The following CLPB variants were observed in gnomAD, a reference collection of about 807,000 sequenced individuals.
The protein encoded by CLPB is mitochondrial disaggregase.
CLPB carries 40 observed loss-of-function variants against 78.4 expected under a neutral mutation model. The ratio of observed to expected loss-of-function variants is 0.51; its 90% CI spans 0.40 to 0.66. CLPB has a LOEUF of 0.66. Ranked by LOEUF, CLPB falls within the 30% of genes least tolerant of loss-of-function variation. The probability of loss-of-function intolerance (pLI) is 0.00; values close to 1 mark genes in which losing one functional copy is unlikely to be tolerated. For missense variants in CLPB, 780 were observed against 886.9 expected, an observed-to-expected ratio of 0.88 and a Z score of 1.53; for synonymous variants, 333 against 348.0, an observed-to-expected ratio of 0.96 and a Z score of 0.48.
At position 72,293,283 on chromosome 11, in the gene CLPB, G is replaced by T; in HGVS notation, c.*84C>A. The T allele has an allele frequency of 1.3e-6, 2 of 1,519,198 alleles. No homozygotes were observed. The highest frequency in any genetic ancestry group is 1.2e-5 in the South Asian group (1 of 80,428). 94.1% of individuals were successfully genotyped at this position (1,519,198 alleles called of 1,614,324 possible). A position where few individuals can be genotyped will look rare whatever the true frequency, so the allele number is the denominator to read the frequency against. ...GACTGGGTAGAGATGGGAGCGGCAT[G>T]AGGGGAAGGTAAGTCAGTTGCCATG... On this transcript the variant is annotated 3_prime_UTR_variant, in exon 16 of 16. Coordinates refer to ENST00000538039, the MANE Select transcript of CLPB (RefSeq NM_001258392.3).
At chr11:72,343,314 C>T (rs1443149133) in intron 5 of CLPB, among the ~76,000 whole-genome samples, 1 of 152,090 alleles carries the variant, frequency 6.6e-6, no homozygotes, top group Non-Finnish European at 1.5e-5. Context: ...TTGCTAATTG[C>T]ACTTCCCTAT....
chr11:72,348,932 A>G (rs1478584683), intron 5 of CLPB, among the ~76,000 whole-genome samples: 1 of 152,250 alleles, frequency 6.6e-6, no homozygotes, highest in Non-Finnish European at 1.5e-5. Context: ...TAAGTGAAGG[A>G]GAGATATATT....
At chr11:72,419,086 G>A (rs1469420757) in intron 2 of CLPB, among the ~76,000 whole-genome samples, 1 of 152,138 alleles carries the variant, frequency 6.6e-6, no homozygotes. Flanking sequence ...TACAAGGCAA[G>A]CAGCTTAAGT....
At chr11:72,302,282 A>G (rs373079023) in intron 10 of CLPB, 22 bp downstream of exon 10, 11 of 1,613,152 alleles carry the variant, frequency 6.8e-6, no homozygotes, top group East Asian at 4.5e-5. Flanking sequence ...CCATGCTTCA[A>G]TCAAGGACTG....
chr11:72,334,612 C>T (rs918614667), intron 5 of CLPB, among the ~76,000 whole-genome samples: 1 of 152,278 alleles, frequency 6.6e-6, no homozygotes, highest in African/African-American at 2.4e-5. Context: ...CCTCACCCGC[C>T]TGCCCTCTCC....
In CLPB at chr11:72,286,221, C is replaced by CTCTTTTTTTTTTTT. The variant is rs1565413587; in HGVS notation, c.*7145_*7146insAAAAAAAAAAAAGA. On this transcript the variant is annotated 3_prime_UTR_variant, in exon 16 of 16. Transcript: ENST00000538039. ...AGATTACAGGTGTGAGATACTGCAC[C>CTCTTTTTTTTTTTT]TGTTTTTTTTTTTTTTTTTTTTTTT... 1 of 59,120 alleles carries CTCTTTTTTTTTTTT rather than the reference C, an allele frequency of 1.7e-5. No homozygotes were observed. The highest frequency in any genetic ancestry group is 3.5e-5 in the Non-Finnish European group (1 of 28,454). 3.7% of individuals were successfully genotyped at this position (59,120 alleles called of 1,614,324 possible). A position where few individuals can be genotyped will look rare whatever the true frequency, so the allele number is the denominator to read the frequency against.
chr11:72,355,752 A>G (rs1950700787), intron 5 of CLPB, among the ~76,000 whole-genome samples: 1 of 152,092 alleles, frequency 6.6e-6, no homozygotes, highest in Non-Finnish European at 1.5e-5. Context: ...TTCTGTCTGA[A>G]TCTCCTCCCA....
intron 11 of CLPB, among the ~76,000 whole-genome samples, chr11:72,301,426 G>GT (rs1949653039): frequency 6.6e-6 from 1 of 152,192 alleles, no homozygotes; most frequent in African/African-American, 2.4e-5. Context: ...CAGCCTCCTC[G>GT]TTTGTCACAT....
intron 5 of CLPB, among the ~76,000 whole-genome samples, chr11:72,345,613 T>C (rs913515965): frequency 2.0e-4 from 31 of 152,332 alleles, no homozygotes; most frequent in African/African-American, 6.7e-4. Flanking sequence ...CTTCTCTGAG[T>C]ATACCTTTTG....
intron 3 of CLPB, among the ~76,000 whole-genome samples, chr11:72,399,402 C>T (rs1190365619): frequency 1.3e-5 from 2 of 152,076 alleles, no homozygotes; most frequent in African/African-American, 4.8e-5. Context: ...TTTTCCCTCT[C>T]CTGTGTATAT....
chr11:72,392,207 C>T (rs1484929445), intron 3 of CLPB, among the ~76,000 whole-genome samples: 2 of 152,058 alleles, frequency 1.3e-5, no homozygotes, highest in Admixed American at 6.6e-5. Context: ...CCACCCCCCA[C>T]ATCTGAAGCA....
intron 5 of CLPB, among the ~76,000 whole-genome samples, chr11:72,342,509 G>A (rs551900912): frequency 1.3e-5 from 2 of 152,276 alleles, no homozygotes; most frequent in East Asian, 1.9e-4. Context: ...CCTGGAAGTC[G>A]TGGGCTTTCA....
intron 2 of CLPB, among the ~76,000 whole-genome samples, chr11:72,405,419 T>C (rs1855681326): frequency 6.6e-6 from 1 of 152,164 alleles, no homozygotes; most frequent in Non-Finnish European, 1.5e-5. Flanking sequence ...GAAAAGTGCA[T>C]AGGAGCATAC....
At chr11:72,349,012 T>C (rs1035466768) in intron 5 of CLPB, among the ~76,000 whole-genome samples, 9 of 152,226 alleles carry the variant, frequency 5.9e-5, no homozygotes, top group African/African-American at 1.9e-4. Context: ...TAAGAACATG[T>C]ATCAGAGGAA....
At chr11:72,362,927 G>A (rs566628571) in intron 4 of CLPB, among the ~76,000 whole-genome samples, 11 of 152,246 alleles carry the variant, frequency 7.2e-5, no homozygotes, top group Middle Eastern at 6.8e-3. Flanking sequence ...AGGCCGAGGC[G>A]GGCAGATCGC....
At chr11:72,411,883 C>G (rs1401006014) in intron 2 of CLPB, 1 of 152,274 alleles carries the variant, frequency 6.6e-6, no homozygotes, top group African/African-American at 2.4e-5. Flanking sequence ...CCACCTGCAT[C>G]AGAGGCCTGG....
At chr11:72,386,336 T>C (rs1204545842) in intron 3 of CLPB, among the ~76,000 whole-genome samples, 1 of 152,226 alleles carries the variant, frequency 6.6e-6, no homozygotes, top group Non-Finnish European at 1.5e-5. Context: ...GTCTATCTTT[T>C]GCTTACTAAC....
At chr11:72,319,964 G>C (rs1352092349) in intron 6 of CLPB, among the ~76,000 whole-genome samples, 1 of 152,176 alleles carries the variant, frequency 6.6e-6, no homozygotes, top group Admixed American at 6.5e-5. Context: ...GGCTCAAGCC[G>C]AAGCCATGAG....
intron 5 of CLPB, among the ~76,000 whole-genome samples, chr11:72,347,359 A>G (rs920691792): frequency 2.6e-5 from 4 of 152,122 alleles, no homozygotes; most frequent in Non-Finnish European, 5.9e-5. Context: ...TGGGACCCTG[A>G]GGTGGGAGGA....
Sources: allele counts gnomAD v4.1 joint callset (sites outside exome capture counted in the v4.1 genomes callset), GRCh38; gene constraint gnomAD v4.1.1; transcripts MANE v1.5; gene names NCBI Gene and HGNC (gene_info 2026-07-23, HGNC 2026-07-21).